The following TBXAS1 variants were observed in gnomAD, a reference collection of about 807,000 sequenced individuals.
The protein encoded by TBXAS1 is thromboxane A synthase 1, also known as thromboxane-A synthase.
TBXAS1 carries 48 observed loss-of-function variants against 60.7 expected under a neutral mutation model. The ratio of observed to expected loss-of-function variants is 0.79; its 90% CI spans 0.63 to 1.01. The LOEUF (loss-of-function observed/expected upper bound fraction) is 1.01, where lower values mean the gene tolerates loss of function less well. Ranked by LOEUF, TBXAS1 falls within the 50% of genes least tolerant of loss-of-function variation. The probability of loss-of-function intolerance (pLI) is 0.00; values close to 1 mark genes in which losing one functional copy is unlikely to be tolerated. For missense variants in TBXAS1, 685 were observed against 686.3 expected, an observed-to-expected ratio of 1.00 and a Z score of 0.02; for synonymous variants, 287 against 269.7, an observed-to-expected ratio of 1.06 and a Z score of -0.63.
chr7:139,993,234 A>T (rs1338052031), intron 9 of TBXAS1, among the ~76,000 whole-genome samples: 2 of 152,018 alleles, frequency 1.3e-5, no homozygotes, highest in Non-Finnish European at 2.9e-5. Flanking sequence ...TACCCTCATG[A>T]CCTCATCTAA....
At chr7:140,018,373 C>G (rs1456027835) in intron 12 of TBXAS1, among the ~76,000 whole-genome samples, 1 of 152,100 alleles carries the variant, frequency 6.6e-6, no homozygotes, top group African/African-American at 2.4e-5. Flanking sequence ...GCCTTCCCCC[C>G]TTGTGCAGAC....
intron 1 of TBXAS1, among the ~76,000 whole-genome samples, chr7:139,842,744 C>G (rs1472318936): frequency 6.6e-6 from 1 of 152,260 alleles, no homozygotes; most frequent in Admixed American, 6.5e-5. Flanking sequence ...AGCCTCAGCC[C>G]TCAGTGCAGA....
chr7:139,891,333 G>A (rs1803594505), intron 3 of TBXAS1, among the ~76,000 whole-genome samples: 1 of 151,968 alleles, frequency 6.6e-6, no homozygotes, highest in Non-Finnish European at 1.5e-5. Flanking sequence ...CCAGCACTCA[G>A]TGTGGATCAT....
At chr7:139,818,801 G>C (rs1569494148) in intron 4 of TBXAS1, among the ~76,000 whole-genome samples, 1 of 152,178 alleles carries the variant, frequency 6.6e-6, no homozygotes, top group Non-Finnish European at 1.5e-5. Flanking sequence ...ACCACACATA[G>C]ACGGCTCCAA....
chr7:139,857,886 A>G (rs532206314), intron 1 of TBXAS1, among the ~76,000 whole-genome samples: 1 of 151,994 alleles, frequency 6.6e-6, no homozygotes, highest in African/African-American at 2.4e-5. Context: ...ACACACCACC[A>G]CACCTGGCAA....
chr7:139,972,658 C>A (rs1480151946), intron 9 of TBXAS1, among the ~76,000 whole-genome samples: 2 of 151,978 alleles, frequency 1.3e-5, no homozygotes, highest in Non-Finnish European at 2.9e-5. Flanking sequence ...GACTTCTTGT[C>A]CCCAAAAAAC....
rs140902199 is a variant in TBXAS1, at chr7:140,006,515, G to A, written c.1135-576G>A. The stretch of plus-strand genomic sequence containing the variant: ...GTAACTCATATGGCCTCTGTGTTTC[G>A]CCTGTTCATAGCCTTTGACCATTTT... On this transcript the variant is annotated intron_variant, in intron 9 of 12. Transcript: ENST00000448866. Among the ~76,000 whole-genome samples, 915 of 152,184 alleles carry A rather than the reference G, an allele frequency of 6.0e-3. 4 individuals are homozygous for A. The highest frequency in any genetic ancestry group is 0.01 in the Non-Finnish European group (714 of 68,010).
At chr7:139,867,749 G>GGAGGTTGCAGTGAACTGA (rs1248306171) in intron 1 of TBXAS1, among the ~76,000 whole-genome samples, 2 of 152,070 alleles carry the variant, frequency 1.3e-5, no homozygotes, top group Non-Finnish European at 2.9e-5. Context: ...CCCAGGAAGA[G>GGAGGTTGCAGTGAACTGA]GAGGTTGCAG....
rs1446529266 is a variant in TBXAS1 at position 139,868,170 on chromosome 7, G to C, written c.90-4065G>C. ...ACATTTGCATTAATTCACATCAAAG[G>C]AAACCCATTGTAAACATCAGAACAT... On this transcript the variant is annotated intron_variant, in intron 1 of 12. Transcript: ENST00000448866. Among the ~76,000 whole-genome samples the C allele has an allele frequency of 2.6e-5, 4 of 152,156 alleles. No homozygotes were observed. In the East Asian group the frequency reaches 7.7e-4, roughly 29 times the overall value.
chr7:139,802,274 C>T (rs10257313), intron 4 of TBXAS1, among the ~76,000 whole-genome samples: 102,561 of 152,088 alleles, frequency 0.67, 35,848 homozygotes, highest in East Asian at 0.95. Context: ...TTGAGTGCTA[C>T]GTGTATCCAT....
intron 3 of TBXAS1, among the ~76,000 whole-genome samples, chr7:139,888,995 A>C (rs138178117): frequency 1.4e-4 from 21 of 152,186 alleles, no homozygotes; most frequent in African/African-American, 4.6e-4. Context: ...AGTGATTTAG[A>C]TTATCAGAAA....
rs371003196 is a variant in TBXAS1 at position 139,833,996 on chromosome 7, C to T, written c.89+4517C>T. ...TATACAGAACATTTCATCCAATAAC[C>T]GCAGAATACACATTCTATTCAACAT... On this transcript the variant is annotated intron_variant, in intron 1 of 12. Coordinates refer to ENST00000448866, the MANE Select transcript of TBXAS1 (RefSeq NM_001061.7). 3.0e-4 allele frequency among the ~76,000 whole-genome samples: 46 copies of T among 152,198 alleles called. 1 individual carries two copies. In the South Asian group the frequency reaches 5.2e-3, roughly 17 times the overall value.
chr7:139,781,527 AC>A (rs1796988572), intron 2 of TBXAS1, among the ~76,000 whole-genome samples: 1 of 152,224 alleles, frequency 6.6e-6, no homozygotes, highest in South Asian at 2.1e-4. Flanking sequence ...TGAGAGGCCC[AC>A]GTCAGATGAA....
In TBXAS1 at chr7:139,845,521, C is replaced by G. The variant is rs1287184085; in HGVS notation, c.89+16042C>G. ...CCCCAATGTACCTGGTACCTTCCCTCTCTCTCATCACTTACCTGGCTCCCC... is the reference window on the plus strand; with the variant it reads ...CCCCAATGTACCTGGTACCTTCCCTGTCTCTCATCACTTACCTGGCTCCCC... On this transcript the variant is annotated intron_variant, in intron 1 of 12. Transcript: ENST00000448866. 2.6e-5 allele frequency among the ~76,000 whole-genome samples: 4 copies of G among 152,280 alleles called. No individual in the cohort carries two copies. In the East Asian group the frequency reaches 7.7e-4, roughly 29 times the overall value.
intron 4 of TBXAS1, among the ~76,000 whole-genome samples, chr7:139,932,140 C>G (rs1807381467): frequency 7.0e-6 from 1 of 142,246 alleles, no homozygotes; most frequent in Admixed American, 7.4e-5. Context: ...GCACTCCAGC[C>G]TGGGCAACAG....
intron 9 of TBXAS1, among the ~76,000 whole-genome samples, chr7:139,980,317 C>A (rs1193283739): frequency 6.6e-6 from 1 of 152,182 alleles, no homozygotes; most frequent in African/African-American, 2.4e-5. Flanking sequence ...AATTTCGAAG[C>A]CCTTGGAGAT....
Position 139,957,710 on chromosome 7 carries a change from T to C in TBXAS1, c.765T>C (p.Phe255=). Residue 255 remains phenylalanine (F), a synonymous_variant, in exon 8 of 13, where the codon TTT becomes TTC. Transcript: ENST00000448866. ...NKNRDELNGF[F]NKLIRNVIAL... is the part of the protein sequence containing the mutation. ...ACCGAGACGAACTGAATGGCTTTTT[T>C]AACAAACTCATTAGGAATGTGATTG... The C allele has an allele frequency of 6.2e-7, 1 of 1,614,198 alleles. No homozygotes were observed. Among genetic ancestry groups the C allele is most frequent in the East Asian group, 2.2e-5 (1 of 44,890 alleles).
intron 6 of TBXAS1, among the ~76,000 whole-genome samples, chr7:139,954,244 A>G (rs535077578): frequency 1.1e-4 from 17 of 152,376 alleles, no homozygotes; most frequent in Admixed American, 3.3e-4. Flanking sequence ...TAACATAATC[A>G]TCACCAACAC....
At chr7:139,983,532 G>C (rs775568214) in intron 9 of TBXAS1, among the ~76,000 whole-genome samples, 1 of 152,090 alleles carries the variant, frequency 6.6e-6, no homozygotes, top group African/African-American at 2.4e-5. Flanking sequence ...CAGGATGCAG[G>C]GGCTGCTGAG....
Sources: allele counts gnomAD v4.1 joint callset (sites outside exome capture counted in the v4.1 genomes callset), GRCh38; gene constraint gnomAD v4.1.1; transcripts MANE v1.5; gene names NCBI Gene and HGNC (gene_info 2026-07-23, HGNC 2026-07-21).